The following DNM3 variants were observed in gnomAD, a reference collection of about 807,000 sequenced individuals.
DNM3 encodes dynamin-3.
Under a neutral mutation model 101.6 loss-of-function variants are expected in DNM3, and 47 were observed. The observed-to-expected ratio is 0.46, with a 90% confidence interval of 0.37 to 0.59. The LOEUF (loss-of-function observed/expected upper bound fraction) is 0.59, where lower values mean the gene tolerates loss of function less well. DNM3 is among the 20% of genes least tolerant of loss of function. The pLI, the probability that DNM3 is intolerant of heterozygous loss-of-function variation, is 0.00. For missense variants in DNM3, 849 were observed against 1,085.7 expected (o/e 0.78, Z 3.06); for synonymous variants, 385 against 387.9 (o/e 0.99, Z 0.09).
intron 1 of DNM3, among the ~76,000 whole-genome samples, chr1:171,882,569 A>G (rs2036382815): frequency 6.6e-6 from 1 of 152,110 alleles, no homozygotes; most frequent in Non-Finnish European, 1.5e-5. Context: ...CCACATAGAT[A>G]TACAGCCCAT....
At chr1:172,092,017 C>G (rs973049063) in intron 12 of DNM3, among the ~76,000 whole-genome samples, 2 of 151,876 alleles carry the variant, frequency 1.3e-5, no homozygotes, top group African/African-American at 4.8e-5. Context: ...AAGATTTTGG[C>G]CAAGGAACTT....
intron 7 of DNM3, among the ~76,000 whole-genome samples, chr1:172,040,493 G>GTTTC (rs1030947656): frequency 1.3e-4 from 19 of 149,200 alleles, no homozygotes; most frequent in Non-Finnish European, 2.2e-4. Context: ...TTTTTTTCGT[G>GTTTC]TTTCTTTCTT....
At chr1:172,332,366 G>C (rs1041598366) in intron 17 of DNM3, among the ~76,000 whole-genome samples, 3 of 152,156 alleles carry the variant, frequency 2.0e-5, no homozygotes. Flanking sequence ...CTGGAGTGCA[G>C]AAGTGTGATT....
chr1:172,416,843 C>T (rs2071445004), downstream of DNM3, among the ~76,000 whole-genome samples: 1 of 152,106 alleles, frequency 6.6e-6, no homozygotes, highest in Non-Finnish European at 1.5e-5. Flanking sequence ...CCTTGCAGAC[C>T]CCCTAGCCCC....
intron 17 of DNM3, among the ~76,000 whole-genome samples, chr1:172,372,220 C>T (rs977011695): frequency 2.0e-5 from 3 of 151,686 alleles, no homozygotes; most frequent in Admixed American, 6.6e-5. Flanking sequence ...CCAATTTCAT[C>T]CATGTCCCTA....
intron 14 of DNM3, among the ~76,000 whole-genome samples, chr1:172,202,021 T>C (rs978218675): frequency 6.6e-6 from 1 of 152,168 alleles, no homozygotes; most frequent in Non-Finnish European, 1.5e-5. Context: ...GGGTGGGCCA[T>C]TGTCCTGTCT....
chr1:171,929,666 C>T (rs2040848400), intron 2 of DNM3, among the ~76,000 whole-genome samples: 1 of 152,084 alleles, frequency 6.6e-6, no homozygotes. Flanking sequence ...CTAAGTTGCC[C>T]AAACAGCAAA....
chr1:172,009,008 C>CGT (rs1553334327), intron 4 of DNM3, among the ~76,000 whole-genome samples: 1 of 134,360 alleles, frequency 7.4e-6, no homozygotes, highest in Non-Finnish European at 1.6e-5. Flanking sequence ...TTATATATAA[C>CGT]ATGCATGTAC....
At chr1:172,384,246 C>T (rs2069070958) in intron 18 of DNM3, among the ~76,000 whole-genome samples, 1 of 152,054 alleles carries the variant, frequency 6.6e-6, no homozygotes, top group South Asian at 2.1e-4. Context: ...AAATGTTAAC[C>T]TCTATGCCCT....
intron 2 of DNM3, among the ~76,000 whole-genome samples, chr1:171,963,180 C>T (rs534055778): frequency 6.6e-6 from 1 of 152,004 alleles, no homozygotes; most frequent in East Asian, 1.9e-4. Context: ...CTATGGTATA[C>T]CCGGACAATG....
At chr1:172,021,551 A>G (rs895141972) in intron 4 of DNM3, among the ~76,000 whole-genome samples, 2 of 152,234 alleles carry the variant, frequency 1.3e-5, no homozygotes, top group African/African-American at 2.4e-5. Context: ...CCCAGGACAA[A>G]AAACATAAAC....
chr1:171,899,482 C>T (rs1020669078), intron 1 of DNM3, among the ~76,000 whole-genome samples: 2 of 152,120 alleles, frequency 1.3e-5, no homozygotes, highest in Admixed American at 6.5e-5. Context: ...GATTTCCTTG[C>T]CTACTTTGCA....
In DNM3 at chr1:172,332,197, A is replaced by G. The variant is rs140622299; in HGVS notation, c.1893+8857A>G. On this transcript the variant is annotated intron_variant, in intron 17 of 20. Transcript: ENST00000627582. Reference sequence around the variant, plus strand: ...TCTAGTCAGGATAGAGTAAGTTACAATGCTGTAACAAACAACTCCTCAAAT... The same window carrying G: ...TCTAGTCAGGATAGAGTAAGTTACAGTGCTGTAACAAACAACTCCTCAAAT... 2.0e-5 allele frequency among the ~76,000 whole-genome samples: 3 copies of G among 152,330 alleles called. No individual in the cohort carries two copies. In the East Asian group the frequency reaches 5.8e-4, roughly 29 times the overall value.
At chr1:172,230,102 A>G (rs2061277402) in intron 14 of DNM3, among the ~76,000 whole-genome samples, 1 of 152,110 alleles carries the variant, frequency 6.6e-6, no homozygotes, top group Non-Finnish European at 1.5e-5. Context: ...TGGCTTTGCC[A>G]TGTTGTCATG....
chr1:172,411,104 A>G lies in DNM3; in HGVS notation c.*3263A>G. The G allele has an allele frequency of 1.0e-6, 1 of 983,876 alleles. No homozygotes were observed. The allele number at this position is 983,876 out of a possible 1,614,324, so 60.9% of individuals were successfully genotyped here. ...TGTGTGTATATATATAAATATATGT[A>G]TATGTATGGTTGTAAATATCTATGT... On this transcript the variant is annotated 3_prime_UTR_variant, in exon 21 of 21. Transcript: ENST00000627582.
intron 20 of DNM3, among the ~76,000 whole-genome samples, chr1:172,390,390 A>G (rs1174568102): frequency 2.6e-5 from 4 of 152,214 alleles, no homozygotes; most frequent in African/African-American, 7.2e-5. Context: ...CTTTAATCCC[A>G]TGCAGTCTGC....
chr1:171,965,683 G>A (rs529704145), intron 2 of DNM3, among the ~76,000 whole-genome samples: 76 of 152,248 alleles, frequency 5.0e-4, no homozygotes, highest in Non-Finnish European at 6.9e-4. Flanking sequence ...TAGTTGAGGC[G>A]TGTCCCCCTC....
intron 15 of DNM3, among the ~76,000 whole-genome samples, chr1:172,307,356 C>T (rs1171510246): frequency 6.6e-6 from 1 of 152,048 alleles, no homozygotes; most frequent in Non-Finnish European, 1.5e-5. Flanking sequence ...GAATGGCGAT[C>T]AATAAAGTCA....
intron 1 of DNM3, among the ~76,000 whole-genome samples, chr1:171,884,527 C>T (rs944879856): frequency 1.3e-5 from 2 of 152,182 alleles, no homozygotes; most frequent in East Asian, 3.8e-4. Flanking sequence ...CAATAAGCCA[C>T]CCCAAAACTT....
Sources: allele counts gnomAD v4.1 joint callset (sites outside exome capture counted in the v4.1 genomes callset), GRCh38; gene constraint gnomAD v4.1.1; transcripts MANE v1.5; gene names NCBI Gene and HGNC (gene_info 2026-07-23, HGNC 2026-07-21).